Variants in ARHGAP44 observed in about 807,000 individuals in gnomAD.
ARHGAP44 encodes Rho GTPase activating protein 44, also known as rho GTPase-activating protein 44.
ARHGAP44 carries 43 observed loss-of-function variants against 106.8 expected under a neutral mutation model. The ratio of observed to expected loss-of-function variants is 0.40; its 90% CI spans 0.32 to 0.52. The LOEUF (loss-of-function observed/expected upper bound fraction) is 0.52, where lower values mean the gene tolerates loss of function less well. Among genes scored for constraint, ARHGAP44 ranks in the 20% least tolerant of loss-of-function variants. The pLI, the probability that ARHGAP44 is intolerant of heterozygous loss-of-function variation, is 0.48. For missense variants in ARHGAP44, 866 were observed against 1,050.5 expected, an observed-to-expected ratio of 0.82 and a Z score of 2.43; for synonymous variants, 439 against 410.3, an observed-to-expected ratio of 1.07 and a Z score of -0.85.
intron 1 of ARHGAP44, among the ~76,000 whole-genome samples, chr17:12,839,002 C>T (rs972482488): frequency 7.2e-5 from 11 of 152,212 alleles, no homozygotes; most frequent in East Asian, 1.9e-4. Context: ...GCACTGTGCC[C>T]GGCCCAATTT....
chr17:12,817,795 G>T (rs765928084), intron 1 of ARHGAP44, among the ~76,000 whole-genome samples: 1 of 151,874 alleles, frequency 6.6e-6, no homozygotes, highest in African/African-American at 2.4e-5. Context: ...CTTGAAAACC[G>T]CAAATTACTG....
chr17:12,804,142 C>T lies in ARHGAP44; in HGVS notation c.53+14251C>T, dbSNP rs117135646. ...CTTGGCTTGTTTCCCTGTCAAAATACAGGTGTTTGCAGCAATTAGGGTGAT... is the reference window on the plus strand; with the variant it reads ...CTTGGCTTGTTTCCCTGTCAAAATATAGGTGTTTGCAGCAATTAGGGTGAT... On this transcript the variant is annotated intron_variant, in intron 1 of 20. Coordinates refer to ENST00000379672, the MANE Select transcript of ARHGAP44 (RefSeq NM_014859.6). 3.9e-3 allele frequency among the ~76,000 whole-genome samples: 587 copies of T among 152,272 alleles called. 2 individuals carry two copies. Among genetic ancestry groups the T allele is most frequent in the Non-Finnish European group, 4.5e-3 (305 of 68,022 alleles).
At chr17:12,957,015 G>A (rs112678957) in intron 15 of ARHGAP44, among the ~76,000 whole-genome samples, 282 of 152,152 alleles carry the variant, frequency 1.9e-3, no homozygotes, top group African/African-American at 6.5e-3. Context: ...GCAATGGTCC[G>A]ATCCGGCTCA....
Position 12,958,532 on chromosome 17 carries a change from G to T in ARHGAP44, c.1343-185G>T, listed in dbSNP as rs2039183052. On this transcript the variant is annotated intron_variant, in intron 15 of 20. Coordinates refer to ENST00000379672, the MANE Select transcript of ARHGAP44 (RefSeq NM_014859.6). This position sits in a 1 kb window ranked among gnomAD's most constrained non-coding sequence, Gnocchi z 4.1. ...ATTGCTTTATTAAATGCCTATATAG[G>T]TGATCACATGTGTCCCCCTTTTTGG... is the stretch of plus-strand genomic sequence containing the variant. Among the ~76,000 whole-genome samples, 1 of 151,710 alleles carries T rather than the reference G, an allele frequency of 6.6e-6. No homozygotes were observed. The highest frequency in any genetic ancestry group is 6.6e-5 in the Admixed American group (1 of 15,228).
intron 1 of ARHGAP44, among the ~76,000 whole-genome samples, chr17:12,804,642 A>G (rs1482073523): frequency 1.3e-5 from 2 of 152,252 alleles, no homozygotes; most frequent in South Asian, 2.1e-4. Context: ...TTGTTCTTCA[A>G]TGAAGTTCAA....
intron 7 of ARHGAP44, among the ~76,000 whole-genome samples, chr17:12,940,233 CA>C (rs10707652): frequency 0.71 from 107,526 of 151,990 alleles, 38,228 homozygotes; most frequent in Middle Eastern, 0.75. Flanking sequence ...AGCAGCTGCA[CA>C]AGGGAGGAAC....
intron 3 of ARHGAP44, among the ~76,000 whole-genome samples, chr17:12,898,058 C>A (rs552632499): frequency 6.6e-6 from 1 of 152,180 alleles, no homozygotes; most frequent in South Asian, 2.1e-4. Context: ...ATTATTCACC[C>A]TCCCCAAGAG....
intron 1 of ARHGAP44, among the ~76,000 whole-genome samples, chr17:12,852,804 G>A (rs931008077): frequency 2.0e-5 from 3 of 152,100 alleles, no homozygotes; most frequent in African/African-American, 7.2e-5. Flanking sequence ...GCTTCCCAAA[G>A]TGCTGGGATT....
intron 20 of ARHGAP44, chr17:12,986,158 T>C (rs1279873686): frequency 6.6e-6 from 1 of 151,878 alleles, no homozygotes; most frequent in East Asian, 2.0e-4. Context: ...TTTTTGGATG[T>C]GATTAATGTT....
chr17:12,937,442 G>A (rs925865216), intron 7 of ARHGAP44, among the ~76,000 whole-genome samples: 1 of 152,110 alleles, frequency 6.6e-6, no homozygotes, highest in Admixed American at 6.5e-5. Context: ...TCCATGCTGG[G>A]CCTCCATCAA....
At chr17:12,979,196 T>C (rs1598155651) in intron 18 of ARHGAP44, among the ~76,000 whole-genome samples, 3 of 152,168 alleles carry the variant, frequency 2.0e-5, no homozygotes, top group African/African-American at 7.2e-5. Flanking sequence ...GTGGGGGAAG[T>C]GTGGAGATCA....
Position 12,789,874 on chromosome 17 carries a change from C to T in ARHGAP44, c.36C>T (p.Ala12=), listed in dbSNP as rs1204626910. The change falls in exon 1 of 21, where the codon GCC becomes GCT. Residue 12 remains alanine, a synonymous_variant. Transcript: ENST00000379672. Reference sequence around the variant, plus strand: ...AGTTCAATCGCATGCGCCAGCTGGCCAACCAGACGGTGGGCAGGTAGGTCA... The same window carrying T: ...AGTTCAATCGCATGCGCCAGCTGGCTAACCAGACGGTGGGCAGGTAGGTCA... The part of the protein sequence containing the change: ...KKQFNRMRQL[A]NQTVGRAEKT... 6.6e-7 allele frequency: 1 copy of T among 1,522,242 alleles called. No individual in the cohort carries two copies. The highest frequency in any genetic ancestry group is 8.8e-7 in the Non-Finnish European group (1 of 1,138,396). The allele number at this position is 1,522,242 out of a possible 1,614,324, so 94.3% of individuals were successfully genotyped here. A position where few individuals can be genotyped will look rare whatever the true frequency, so the allele number is the denominator to read the frequency against.
At chr17:12,857,296 G>C (rs1046377914) in intron 1 of ARHGAP44, among the ~76,000 whole-genome samples, 1 of 152,184 alleles carries the variant, frequency 6.6e-6, no homozygotes, top group Non-Finnish European at 1.5e-5. Flanking sequence ...AGAATAAAGA[G>C]GGTAATTTAT....
chr17:12,811,155 A>G (rs943549478), intron 1 of ARHGAP44, among the ~76,000 whole-genome samples: 2 of 151,956 alleles, frequency 1.3e-5, no homozygotes, highest in Non-Finnish European at 2.9e-5. Flanking sequence ...TACTAAAAAT[A>G]CAAAAAAATT....
intron 3 of ARHGAP44, among the ~76,000 whole-genome samples, chr17:12,900,330 A>G (rs572887569): frequency 2.0e-5 from 3 of 151,984 alleles, no homozygotes; most frequent in East Asian, 3.9e-4. Flanking sequence ...GGGTTTCACC[A>G]TGTTGGCCAG....
intron 4 of ARHGAP44, among the ~76,000 whole-genome samples, chr17:12,914,297 A>G (rs968995057): frequency 6.6e-6 from 1 of 152,234 alleles, no homozygotes; most frequent in South Asian, 2.1e-4. Context: ...GCAAGGGCAT[A>G]GGGCAATGGG....
At chr17:12,970,070 A>G (rs8078472) in intron 16 of ARHGAP44, among the ~76,000 whole-genome samples, 13,989 of 152,164 alleles carry the variant, frequency 0.092, 703 homozygotes, top group Admixed American at 0.14. Flanking sequence ...CAAAATGAGG[A>G]CTTATCACCT....
At position 12,949,483 on chromosome 17, in the gene ARHGAP44, C is replaced by A. The variant is rs529590014; in HGVS notation, c.974-166C>A. Among the ~76,000 whole-genome samples, 1 of 152,136 alleles carries A rather than the reference C, an allele frequency of 6.6e-6. No individual in the cohort carries two copies. The highest frequency in any genetic ancestry group is 1.5e-5 in the Non-Finnish European group (1 of 68,028). On this transcript the variant is annotated intron_variant, in intron 11 of 20. Transcript: ENST00000379672. The surrounding 1 kb of genome is among the most constrained non-coding windows in gnomAD (Gnocchi z 4.1). The stretch of plus-strand genomic sequence containing the variant: ...TGTGGGAAGAAAGAGGGGCCAGGTC[C>A]CCTGTCAGAGCCTCATACCCATTTC...
intron 16 of ARHGAP44, among the ~76,000 whole-genome samples, chr17:12,966,942 C>T (rs1598133312): frequency 6.6e-6 from 1 of 152,320 alleles, no homozygotes; most frequent in Non-Finnish European, 1.5e-5. Flanking sequence ...CAGCAAAATT[C>T]TGCCCGGTGA....
Sources: allele counts gnomAD v4.1 joint callset (sites outside exome capture counted in the v4.1 genomes callset), GRCh38; gene constraint gnomAD v4.1.1; non-coding constraint Gnocchi (gnomAD v3.1); transcripts MANE v1.5; gene names NCBI Gene and HGNC (gene_info 2026-07-23, HGNC 2026-07-21).